The following TRABD2B variants were observed in gnomAD, a reference collection of about 807,000 sequenced individuals.
TRABD2B encodes metalloprotease TIKI2.
A neutral mutation model predicts 40.1 loss-of-function variants in TRABD2B; 14 were observed. That is an observed-to-expected ratio of 0.35 (90% CI 0.23 to 0.55). The LOEUF is 0.55. Ranked by LOEUF, TRABD2B falls within the 20% of genes least tolerant of loss-of-function variation. The pLI is 0.90. For missense variants in TRABD2B, 541 were observed against 648.6 expected (o/e 0.83, Z 1.80); for synonymous variants, 263 against 277.0 (o/e 0.95, Z 0.50).
At chr1:47,885,352 T>C (rs889979188) in intron 2 of TRABD2B, among the ~76,000 whole-genome samples, 45 of 152,178 alleles carry the variant, frequency 3.0e-4, no homozygotes, top group African/African-American at 1.1e-3. Context: ...ACTCTTACCA[T>C]GTGTATCACT....
intron 2 of TRABD2B, among the ~76,000 whole-genome samples, chr1:47,941,540 T>A (rs770265536): frequency 1.3e-5 from 2 of 152,260 alleles, no homozygotes; most frequent in African/African-American, 4.8e-5. Flanking sequence ...TGACTTCCAA[T>A]TTACCTGGAC....
intron 2 of TRABD2B, among the ~76,000 whole-genome samples, chr1:47,941,043 T>C (rs909545687): frequency 1.3e-5 from 2 of 152,156 alleles, no homozygotes; most frequent in African/African-American, 4.8e-5. Context: ...AAACATCTTG[T>C]GCTTCTTCCG....
At chr1:47,870,902 G>C (rs974249270) in intron 2 of TRABD2B, among the ~76,000 whole-genome samples, 9 of 152,156 alleles carry the variant, frequency 5.9e-5, no homozygotes, top group Admixed American at 5.9e-4. Context: ...CATTTAGGCA[G>C]GGAGAACAGC....
At chr1:47,818,386 T>C (rs1024439706) in intron 2 of TRABD2B, among the ~76,000 whole-genome samples, 4 of 152,210 alleles carry the variant, frequency 2.6e-5, no homozygotes, top group African/African-American at 9.6e-5. Flanking sequence ...TTGGGACCTG[T>C]TTTGCCATCT....
intron 2 of TRABD2B, among the ~76,000 whole-genome samples, chr1:47,990,773 A>G (rs1189918282): frequency 9.8e-4 from 3 of 3,052 alleles, no homozygotes. Context: ...CGTTGGTTTT[A>G]TATATATATA....
At chr1:47,856,835 C>T (rs970446156) in intron 2 of TRABD2B, among the ~76,000 whole-genome samples, 6 of 152,230 alleles carry the variant, frequency 3.9e-5, no homozygotes, top group African/African-American at 1.2e-4. Context: ...AATGATGAGG[C>T]CTGGGCCCCG....
rs554396051 is a variant in TRABD2B, at chr1:47,941,203, T to G, written c.666+52831A>C. Among the ~76,000 whole-genome samples, 91 of 152,290 alleles carry G rather than the reference T, an allele frequency of 6.0e-4. 3 individuals are homozygous for G. In the South Asian group the frequency reaches 0.019, roughly 31 times the overall value. On this transcript the variant is annotated intron_variant, in intron 2 of 6. Transcript: ENST00000606738. ...CCTATTCAAGGTCCCAGAACCTCAGTGGTAGAGCCAAGATGAACACCAAGT... is the reference window on the plus strand; with the variant it reads ...CCTATTCAAGGTCCCAGAACCTCAGGGGTAGAGCCAAGATGAACACCAAGT...
chr1:47,785,856 G>C (rs1386414782), intron 4 of TRABD2B, among the ~76,000 whole-genome samples: 1 of 152,216 alleles, frequency 6.6e-6, no homozygotes, highest in Non-Finnish European at 1.5e-5. Context: ...TGTTGGCAGG[G>C]ACAGGGCCCC....
At chr1:47,778,347 G>C (rs1184603657) in intron 5 of TRABD2B, 107 bp downstream of exon 5, 2 of 804,296 alleles carry the variant, frequency 2.5e-6, no homozygotes, top group Non-Finnish European at 4.1e-6. Context: ...TTGCTTCCTG[G>C]TAGAGACCTG....
At chr1:47,985,734 C>T (rs1196764268) in intron 2 of TRABD2B, among the ~76,000 whole-genome samples, 1 of 152,238 alleles carries the variant, frequency 6.6e-6, no homozygotes, top group Admixed American at 6.5e-5. Flanking sequence ...TACATTGTTG[C>T]ACCTAAACTC....
intron 2 of TRABD2B, among the ~76,000 whole-genome samples, chr1:47,953,392 A>G (rs1645374165): frequency 6.6e-6 from 1 of 152,216 alleles, no homozygotes; most frequent in Admixed American, 6.5e-5. Flanking sequence ...CCAGGCATCC[A>G]AGACACAGTT....
chr1:47,874,976 C>G lies in TRABD2B; in HGVS notation c.667-73357G>C, dbSNP rs143900485. On this transcript the variant is annotated intron_variant, in intron 2 of 6. Coordinates refer to ENST00000606738, the MANE Select transcript of TRABD2B (RefSeq NM_001194986.2). ...CTCACTGCTTCTGAACCCAGGAGCT[C>G]CTCAACTCAGTCTGTCCTCACACAC... Among the ~76,000 whole-genome samples the G allele has an allele frequency of 3.2e-4, 48 of 152,130 alleles. No individual in the cohort carries two copies. The East Asian group carries it at 8.9e-3, about 28-fold the overall frequency.
intron 2 of TRABD2B, among the ~76,000 whole-genome samples, chr1:47,952,732 C>T (rs1645363318): frequency 6.6e-6 from 1 of 152,202 alleles, no homozygotes; most frequent in African/African-American, 2.4e-5. Flanking sequence ...ACCCAGGGCT[C>T]CTGTGACCCA....
chr1:47,904,418 G>A (rs781378028), intron 2 of TRABD2B, among the ~76,000 whole-genome samples: 2 of 152,140 alleles, frequency 1.3e-5, no homozygotes, highest in Non-Finnish European at 2.9e-5. Context: ...CCCATCCTGG[G>A]GCAACTCTTA....
At chr1:47,834,902 T>C (rs1365859904) in intron 2 of TRABD2B, among the ~76,000 whole-genome samples, 1 of 152,016 alleles carries the variant, frequency 6.6e-6, no homozygotes, top group African/African-American at 2.4e-5. Flanking sequence ...CTATGAGCCA[T>C]AAATAGGAGA....
At chr1:47,853,154 G>T (rs1643848584) in intron 2 of TRABD2B, among the ~76,000 whole-genome samples, 1 of 152,180 alleles carries the variant, frequency 6.6e-6, no homozygotes, top group Admixed American at 6.5e-5. Context: ...CTAGGGCCGA[G>T]GGCCACTCAC....
chr1:47,932,640 T>G (rs1645054647), intron 2 of TRABD2B, among the ~76,000 whole-genome samples: 1 of 152,062 alleles, frequency 6.6e-6, no homozygotes, highest in African/African-American at 2.4e-5. Context: ...AACTTGTGAT[T>G]AAGGAAGCAA....
intron 2 of TRABD2B, among the ~76,000 whole-genome samples, chr1:47,987,123 C>G (rs1362738721): frequency 6.6e-6 from 1 of 152,156 alleles, no homozygotes; most frequent in African/African-American, 2.4e-5. Flanking sequence ...CAAAGGCACG[C>G]TCCCATTTTT....
chr1:47,799,286 G>A (rs1644787597), intron 3 of TRABD2B, among the ~76,000 whole-genome samples: 1 of 152,124 alleles, frequency 6.6e-6, no homozygotes, highest in African/African-American at 2.4e-5. Context: ...GAGCTCCCTG[G>A]CTGCTCAGGA....
Sources: gnomAD v4.1 joint callset for allele counts (sites outside exome capture counted in the v4.1 genomes callset) on GRCh38, gnomAD v4.1.1 for gene constraint, MANE v1.5 for transcripts, NCBI Gene and HGNC (gene_info 2026-07-23, HGNC 2026-07-21) for gene names.